Variants in TEX36 observed in about 807,000 individuals in gnomAD.
TEX36 encodes testis expressed 36.
Under a neutral mutation model 13.6 loss-of-function variants are expected in TEX36, and 12 were observed. The observed-to-expected ratio is 0.88, with a 90% CI of 0.56 to 1.43. The LOEUF (loss-of-function observed/expected upper bound fraction) is 1.43, where lower values mean the gene tolerates loss of function less well. TEX36 is among the 40% of genes most tolerant of loss of function. The probability of loss-of-function intolerance (pLI) is 0.00; values close to 1 mark genes in which losing one functional copy is unlikely to be tolerated. For synonymous variants in TEX36, 93 were observed against 83.0 expected, an observed-to-expected ratio of 1.12 and a Z score of -0.65; for missense variants, 224 against 228.3, an observed-to-expected ratio of 0.98 and a Z score of 0.12.
intron 3 of TEX36, among the ~76,000 whole-genome samples, chr10:125,583,486 A>G (rs1211530184): frequency 1.3e-5 from 2 of 152,224 alleles, no homozygotes; most frequent in African/African-American, 2.4e-5. Context: ...TGAATGCTGC[A>G]TGGATCCTCT....
chr10:125,618,963 A>T (rs1286505647), downstream of TEX36, among the ~76,000 whole-genome samples: 167 of 141,714 alleles, frequency 1.2e-3, 1 homozygote, highest in Non-Finnish European at 2.2e-3. Flanking sequence ...AAAAAAAAAA[A>T]AAAAAAAATA....
chr10:125,585,311 G>A (rs971311486), intron 3 of TEX36, among the ~76,000 whole-genome samples: 2 of 152,126 alleles, frequency 1.3e-5, no homozygotes, highest in Non-Finnish European at 2.9e-5. Context: ...CCCACTTCCA[G>A]CAGGTCAAGA....
Position 125,667,881 on chromosome 10 carries a change from C to T in TEX36, c.52-5904G>A, listed in dbSNP as rs1197400589. 16 of 1,518,646 alleles carry T rather than the reference C, an allele frequency of 1.1e-5. No homozygotes were observed. In the African/African-American group the frequency reaches 1.7e-4, roughly 16 times the overall value. 94.1% of individuals were successfully genotyped at this position (1,518,646 alleles called of 1,614,324 possible). ...GCCAGGATGCCCTTGCCCAGTGCCA[C>T]GATGCGGTGAGCGATGTCAGACAGC... On this transcript the variant is annotated intron_variant, in intron 1 of 3. Coordinates refer to ENST00000368821, the MANE Select transcript of TEX36 (RefSeq NM_001128202.3).
At chr10:125,599,121 C>CT (rs912834451) in intron 3 of TEX36, among the ~76,000 whole-genome samples, 2 of 152,066 alleles carry the variant, frequency 1.3e-5, no homozygotes, top group South Asian at 2.1e-4. Context: ...TCGGAAAAAA[C>CT]TTTTTTTATT....
chr10:125,640,278 C>T, intron 3 of TEX36: 2 of 891,126 alleles, frequency 2.2e-6, no homozygotes, highest in Non-Finnish European at 2.7e-6. Flanking sequence ...GCCTGTATTA[C>T]CCAATTTGGG....
chr10:125,639,878 G>A (rs940585369), intron 3 of TEX36, among the ~76,000 whole-genome samples: 1 of 152,156 alleles, frequency 6.6e-6, no homozygotes, highest in Non-Finnish European at 1.5e-5. Flanking sequence ...GAACTATAAC[G>A]GCAGATGTTA....
chr10:125,592,203 C>T (rs1256091081), intron 3 of TEX36, among the ~76,000 whole-genome samples: 1 of 152,088 alleles, frequency 6.6e-6, no homozygotes, highest in African/African-American at 2.4e-5. Flanking sequence ...AACCCTCCCG[C>T]TGGGAGAAAA....
At chr10:125,597,668 A>G (rs1846097314) in intron 3 of TEX36, among the ~76,000 whole-genome samples, 1 of 152,212 alleles carries the variant, frequency 6.6e-6, no homozygotes, top group Non-Finnish European at 1.5e-5. Flanking sequence ...ACTGAGGGTC[A>G]GAGTAAAGGA....
At chr10:125,667,580 G>A in intron 1 of TEX36, 2 of 736,550 alleles carry the variant, frequency 2.7e-6, no homozygotes, top group Non-Finnish European at 5.1e-6. Flanking sequence ...CCCTTGGGTG[G>A]TGGTCTCGCC....
At chr10:125,649,923 G>T (rs1846827753) in intron 3 of TEX36, among the ~76,000 whole-genome samples, 1 of 152,160 alleles carries the variant, frequency 6.6e-6, no homozygotes, top group Non-Finnish European at 1.5e-5. Context: ...ATGATAAAGG[G>T]ATCAATTTAT....
chr10:125,618,844 C>G (rs566038371), downstream of TEX36, among the ~76,000 whole-genome samples: 1 of 150,118 alleles, frequency 6.7e-6, no homozygotes, highest in Non-Finnish European at 1.5e-5. Context: ...CGGTGGCTCA[C>G]GCCTGTAATC....
In TEX36 at chr10:125,623,092, A is replaced by G. The variant is rs375386860; in HGVS notation, c.265-1447T>C. ...GAATCTTGGCTATGGGAGAAAGAGTACCATATATTGGAGGCTGATTCAGAG... is the reference window on the plus strand; with the variant it reads ...GAATCTTGGCTATGGGAGAAAGAGTGCCATATATTGGAGGCTGATTCAGAG... On this transcript the variant is annotated intron_variant, in intron 3 of 3. Coordinates refer to the TEX36 transcript ENST00000526819. 4.6e-5 allele frequency among the ~76,000 whole-genome samples: 7 copies of G among 152,304 alleles called. No individual in the cohort carries two copies. In the East Asian group the frequency reaches 1.4e-3, roughly 29 times the overall value.
chr10:125,654,867 A>T (rs2133588792), downstream of TEX36, among the ~76,000 whole-genome samples: 1 of 152,310 alleles, frequency 6.6e-6, no homozygotes, highest in South Asian at 2.1e-4. Context: ...TTATTTCTCA[A>T]CACTTTGTGC....
intron 3 of TEX36, among the ~76,000 whole-genome samples, chr10:125,608,708 A>C (rs1002259514): frequency 6.6e-6 from 1 of 152,206 alleles, no homozygotes; most frequent in African/African-American, 2.4e-5. Context: ...GGGATGCAGA[A>C]GTTAGCGCCA....
rs138859138 is a variant in TEX36 at position 125,593,113 on chromosome 10, G to A, written c.265-16239C>T. On this transcript the variant is annotated intron_variant, in intron 3 of 3. Coordinates refer to the TEX36 transcript ENST00000532135. Reference sequence around the variant, plus strand: ...ATGCTCCACTGAGGGTGGGAGGTGGGGCTAAAATTTCAACCTTCCAATCAC... The same window carrying A: ...ATGCTCCACTGAGGGTGGGAGGTGGAGCTAAAATTTCAACCTTCCAATCAC... Among the ~76,000 whole-genome samples, 517 of 152,272 alleles carry A rather than the reference G, an allele frequency of 3.4e-3. 5 individuals are homozygous for A. The highest frequency in any genetic ancestry group is 0.012 in the African/African-American group (485 of 41,552).
At chr10:125,588,879 G>A (rs1349333933) in intron 3 of TEX36, among the ~76,000 whole-genome samples, 1 of 152,184 alleles carries the variant, frequency 6.6e-6, no homozygotes, top group Non-Finnish European at 1.5e-5. Context: ...GCCTCCCAAA[G>A]TGCTGGGATT....
chr10:125,630,158 A>G (rs1042834902), intron 3 of TEX36, among the ~76,000 whole-genome samples: 1 of 152,230 alleles, frequency 6.6e-6, no homozygotes, highest in Non-Finnish European at 1.5e-5. Context: ...GACAGCTATA[A>G]TGGAATGAAA....
At chr10:125,660,001 A>C (rs888543125) in intron 3 of TEX36, among the ~76,000 whole-genome samples, 1 of 152,224 alleles carries the variant, frequency 6.6e-6, no homozygotes, top group Non-Finnish European at 1.5e-5. Context: ...GATGTTACAT[A>C]AGTGTAAAAC....
intron 3 of TEX36, 53 bp from the exon 4 acceptor site, chr10:125,656,249 CTT>C (rs66461124): frequency 0.076 from 19,423 of 257,028 alleles, 82 homozygotes; most frequent in African/African-American, 0.14. Context: ...TCACATAGTT[CTT>C]TTTTTTTTTT....
Sources: gnomAD v4.1 joint callset for allele counts (sites outside exome capture counted in the v4.1 genomes callset) on GRCh38, gnomAD v4.1.1 for gene constraint, MANE v1.5 for transcripts, NCBI Gene and HGNC (gene_info 2026-07-23, HGNC 2026-07-21) for gene names.